SNAP91: variants seen among roughly 807,000 people sequenced by gnomAD.
SNAP91 encodes the protein synaptosome associated protein 91.
In SNAP91, 27 loss-of-function variants were observed where a neutral mutation model predicts 100.3. The ratio of observed to expected loss-of-function variants is 0.27; its 90% CI spans 0.20 to 0.37. The LOEUF (loss-of-function observed/expected upper bound fraction) is 0.37, where lower values mean the gene tolerates loss of function less well. Ranked by LOEUF, SNAP91 falls within the 10% of genes least tolerant of loss-of-function variation. The pLI is 1.00. For missense variants in SNAP91, 986 were observed against 1,123.7 expected (o/e 0.88, Z 1.75); for synonymous variants, 404 against 398.6 (o/e 1.01, Z -0.16).
In SNAP91 at chr6:83,707,895, G is replaced by GGCGAT; in HGVS notation, c.28_32dup (p.Ala12SerfsTer13). On this transcript the variant is annotated frameshift_variant, in exon 2 of 30. Transcript: ENST00000369694. LOFTEE classifies it high-confidence loss of function. The stretch of plus-strand genomic sequence containing the variant: ...AGCCTGTAACGCTGTACTGAGCGGC[G>GGCGAT]GCGATCCGATCCGTGAGCGTTTGGC... 1 of 1,595,936 alleles carries GGCGAT rather than the reference G, an allele frequency of 6.3e-7. No homozygotes were observed. Among genetic ancestry groups the GGCGAT allele is most frequent in the Non-Finnish European group, 8.5e-7 (1 of 1,174,038 alleles).
At chr6:83,595,405 C>T (rs941048630) in intron 16 of SNAP91, among the ~76,000 whole-genome samples, 4 of 152,060 alleles carry the variant, frequency 2.6e-5, no homozygotes, top group East Asian at 1.9e-4. Flanking sequence ...CATTAACATA[C>T]GAGCAGCCAC....
At chr6:83,665,196 A>G (rs543492083) in intron 3 of SNAP91, among the ~76,000 whole-genome samples, 1 of 152,102 alleles carries the variant, frequency 6.6e-6, no homozygotes. Context: ...TCTGGAATCA[A>G]ACCTGCAATA....
At chr6:83,694,232 A>C (rs1043482702) in intron 2 of SNAP91, among the ~76,000 whole-genome samples, 1 of 152,198 alleles carries the variant, frequency 6.6e-6, no homozygotes, top group Admixed American at 6.5e-5. Context: ...GAGGCCATTA[A>C]TAGATTTCTT....
intron 1 of SNAP91, chr6:83,708,242 C>G (rs913422765): frequency 1.6e-5 from 5 of 305,390 alleles, no homozygotes; most frequent in Admixed American, 5.4e-5. Flanking sequence ...AGACTCACCC[C>G]CTGGGGACCC....
intron 2 of SNAP91, among the ~76,000 whole-genome samples, chr6:83,687,220 A>T (rs535510111): frequency 1.3e-5 from 2 of 152,180 alleles, no homozygotes; most frequent in South Asian, 4.1e-4. Context: ...GTCACTTCAA[A>T]TGAACTTATG....
chr6:83,613,422 AAAC>A (rs1419171956), intron 11 of SNAP91, among the ~76,000 whole-genome samples: 3 of 152,226 alleles, frequency 2.0e-5, no homozygotes, highest in Non-Finnish European at 4.4e-5. Flanking sequence ...ATTTTCTGTG[AAAC>A]AAAACTGTCA....
intron 2 of SNAP91, among the ~76,000 whole-genome samples, chr6:83,695,276 C>CAAAAAAAAAAAAAAAAAAA (rs56103542): frequency 5.9e-5 from 4 of 67,318 alleles, no homozygotes; most frequent in East Asian, 9.2e-4. Flanking sequence ...GGCTCCATCT[C>CAAAAAAAAAAAAAAAAAAA]AAAAAAAAAA....
At chr6:83,642,450 T>C (rs897958284) in intron 7 of SNAP91, among the ~76,000 whole-genome samples, 4 of 152,230 alleles carry the variant, frequency 2.6e-5, no homozygotes, top group African/African-American at 9.6e-5. Flanking sequence ...TTTGGTTTTC[T>C]GTCGTTGCAA....
intron 8 of SNAP91, among the ~76,000 whole-genome samples, chr6:83,638,166 G>C (rs2097540275): frequency 6.6e-6 from 1 of 152,204 alleles, no homozygotes; most frequent in African/African-American, 2.4e-5. Flanking sequence ...TTTTACTGCA[G>C]CTGGCATGTG....
intron 26 of SNAP91, among the ~76,000 whole-genome samples, chr6:83,573,780 A>C (rs1813004154): frequency 6.6e-6 from 1 of 152,204 alleles, no homozygotes; most frequent in African/African-American, 2.4e-5. Flanking sequence ...TCCCTTCCTT[A>C]CACCTTATAC....
At chr6:83,575,978 C>T (rs753444339) in intron 25 of SNAP91, 45 bp downstream of exon 25, 3 of 1,123,724 alleles carry the variant, frequency 2.7e-6, no homozygotes, top group Non-Finnish European at 3.8e-6. Context: ...CAAATGAATA[C>T]AAATATACCA....
intron 2 of SNAP91, among the ~76,000 whole-genome samples, chr6:83,666,899 C>T (rs950284086): frequency 2.0e-5 from 3 of 151,982 alleles, no homozygotes; most frequent in African/African-American, 7.2e-5. Flanking sequence ...TTTGTTCCTG[C>T]TGGGTGTTCA....
At chr6:83,608,143 A>T (rs1458734331) in intron 12 of SNAP91, among the ~76,000 whole-genome samples, 4 of 152,320 alleles carry the variant, frequency 2.6e-5, no homozygotes, top group Admixed American at 1.3e-4. Context: ...GCTGCAAAAA[A>T]TTTCAAAAAT....
intron 22 of SNAP91, among the ~76,000 whole-genome samples, chr6:83,587,116 C>T (rs536392362): frequency 6.6e-6 from 1 of 152,000 alleles, no homozygotes; most frequent in African/African-American, 2.4e-5. Context: ...CAAAATGATA[C>T]CAATTTTTAA....
At chr6:83,650,965 A>G (rs1006390757) in intron 7 of SNAP91, among the ~76,000 whole-genome samples, 8 of 152,106 alleles carry the variant, frequency 5.3e-5, no homozygotes, top group African/African-American at 1.7e-4. Context: ...CAGGTTGTCT[A>G]TTTCTTCTTG....
At chr6:83,671,930 C>A (rs1210569424) in intron 2 of SNAP91, among the ~76,000 whole-genome samples, 1 of 152,096 alleles carries the variant, frequency 6.6e-6, no homozygotes, top group Non-Finnish European at 1.5e-5. Context: ...TCCAGCACAA[C>A]TAGATACTTT....
intron 11 of SNAP91, chr6:83,611,483 G>A (rs1367773048): frequency 2.2e-6 from 1 of 455,600 alleles, no homozygotes; most frequent in Non-Finnish European, 4.4e-6. Context: ...AAAACAAGAT[G>A]AAGACTAAAT....
intron 29 of SNAP91, among the ~76,000 whole-genome samples, chr6:83,555,496 G>A (rs930837715): frequency 3.3e-5 from 5 of 152,176 alleles, no homozygotes; most frequent in East Asian, 1.9e-4. Context: ...GAAAAGTACC[G>A]TGTAAATTAT....
At chr6:83,614,252 T>C (rs755300716) in intron 11 of SNAP91, among the ~76,000 whole-genome samples, 1 of 152,124 alleles carries the variant, frequency 6.6e-6, no homozygotes, top group African/African-American at 2.4e-5. Context: ...ACATAAATAA[T>C]AAAATAAATT....
Sources: allele counts gnomAD v4.1 joint callset (sites outside exome capture counted in the v4.1 genomes callset), GRCh38; gene constraint gnomAD v4.1.1; transcripts MANE v1.5; gene names NCBI Gene and HGNC (gene_info 2026-07-23, HGNC 2026-07-21).